Variants in ETF1 observed in about 807,000 individuals in gnomAD.
ETF1 encodes the protein eukaryotic peptide chain release factor subunit 1.
A neutral mutation model predicts 55.1 loss-of-function variants in ETF1; 4 were observed. The observed-to-expected ratio is 0.07, with a 90% CI of 0.04 to 0.17. The LOEUF (loss-of-function observed/expected upper bound fraction) is 0.17. Ranked by LOEUF, ETF1 falls within the 10% of genes least tolerant of loss-of-function variation. The pLI is 1.00. For missense variants in ETF1, 142 were observed against 523.6 expected, an observed-to-expected ratio of 0.27 and a Z score of 7.11; for synonymous variants, 157 against 182.3, an observed-to-expected ratio of 0.86 and a Z score of 1.12.
At position 138,508,053 on chromosome 5, in the gene ETF1, C is replaced by A. The variant is rs13180122; in HGVS notation, c.*252G>T. 8,905 of 388,146 alleles carry A rather than the reference C, an allele frequency of 0.023. 148 individuals carry two copies. Among genetic ancestry groups the A allele is most frequent in the Non-Finnish European group, 0.031 (6,689 of 219,074 alleles). 24.0% of individuals were successfully genotyped at this position (388,146 alleles called of 1,614,324 possible). A position where few individuals can be genotyped will look rare whatever the true frequency, so the allele number is the denominator to read the frequency against. On this transcript the variant is annotated 3_prime_UTR_variant, in exon 11 of 11. Transcript: ENST00000360541. ...TCCAGTAAAAGTAAAAACTGGGATTCTTTTTTAAATTAGTCCAAAGTGGCG... is the reference window on the plus strand; with the variant it reads ...TCCAGTAAAAGTAAAAACTGGGATTATTTTTTAAATTAGTCCAAAGTGGCG...
chr5:138,520,730 A>G (rs1278216361), intron 2 of ETF1, among the ~76,000 whole-genome samples: 2 of 152,154 alleles, frequency 1.3e-5, no homozygotes, highest in African/African-American at 4.8e-5. Context: ...TGAGGCAGGA[A>G]TATCACTCAA....
At chr5:138,518,959 C>T (rs945546318) in intron 2 of ETF1, 92 bp from the exon 3 acceptor site, 132 of 1,554,512 alleles carry the variant, frequency 8.5e-5, no homozygotes, top group Middle Eastern at 5.1e-4. Flanking sequence ...AGGGAGATGC[C>T]CCAAAGTTAT....
At chr5:138,509,486 G>A (rs1764678570) in intron 9 of ETF1, among the ~76,000 whole-genome samples, 1 of 152,120 alleles carries the variant, frequency 6.6e-6, no homozygotes, top group African/African-American at 2.4e-5. Flanking sequence ...ACCAGGCCAG[G>A]CATGGTGGGT....
intron 2 of ETF1, among the ~76,000 whole-genome samples, chr5:138,523,899 G>T (rs1379169758): frequency 1.3e-5 from 2 of 152,042 alleles, no homozygotes; most frequent in East Asian, 3.9e-4. Context: ...GACCCTGGCT[G>T]GGCATGGTGG....
Position 138,507,159 on chromosome 5 carries a change from A to C in ETF1, c.*1146T>G, listed in dbSNP as rs2127056250. The stretch of plus-strand genomic sequence containing the variant: ...ATGGTCTTAAATCCATGGTGCCAGA[A>C]GCTGTGTCCCATCCCTTCCCACCCG... On this transcript the variant is annotated 3_prime_UTR_variant, in exon 11 of 11. Transcript: ENST00000360541. 6.6e-6 allele frequency: 1 copy of C among 152,392 alleles called. No homozygotes were observed. Among genetic ancestry groups the C allele is most frequent in the African/African-American group, 2.4e-5 (1 of 41,564 alleles). The allele number at this position is 152,392 out of a possible 1,614,324, so 9.4% of individuals were successfully genotyped here.
At chr5:138,530,353 A>C (rs1363989362) in intron 2 of ETF1, among the ~76,000 whole-genome samples, 1 of 151,216 alleles carries the variant, frequency 6.6e-6, no homozygotes, top group Non-Finnish European at 1.5e-5. Flanking sequence ...ATCTCGGCTC[A>C]CTGCAGCTTC....
chr5:138,530,334 A>G (rs1431219256), intron 2 of ETF1, among the ~76,000 whole-genome samples: 1 of 152,048 alleles, frequency 6.6e-6, no homozygotes, highest in African/African-American at 2.4e-5. Context: ...GCTACAGTGC[A>G]GTGGTGTGAT....
At chr5:138,532,215 A>G (rs1298112565) in intron 2 of ETF1, among the ~76,000 whole-genome samples, 10 of 152,138 alleles carry the variant, frequency 6.6e-5, no homozygotes, top group Middle Eastern at 3.4e-3. Context: ...TGTGTTTTCC[A>G]TTTTTCTTCT....
intron 8 of ETF1, chr5:138,510,832 T>A: frequency 1.4e-6 from 1 of 720,110 alleles, no homozygotes; most frequent in South Asian, 6.3e-5. Flanking sequence ...CAAGATATAG[T>A]CCTGGTCCTC....
At position 138,518,683 on chromosome 5, in the gene ETF1, C is replaced by A; in HGVS notation, c.262+9G>T. 6.2e-7 allele frequency: 1 copy of A among 1,608,210 alleles called. No individual in the cohort carries two copies. Among genetic ancestry groups the A allele is most frequent in the Non-Finnish European group, 8.5e-7 (1 of 1,175,488 alleles). ...TGTAGAGAAGGAAAAGGAGCAAACT[C>A]CAGATTACCTTTGTTATAAAGTTTG... is the stretch of plus-strand genomic sequence containing the variant. On this transcript the variant is annotated intron_variant, in intron 3 of 10. Coordinates refer to ENST00000360541, the MANE Select transcript of ETF1 (RefSeq NM_004730.4).
chr5:138,534,697 C>T (rs931164521), intron 2 of ETF1, among the ~76,000 whole-genome samples: 9 of 152,238 alleles, frequency 5.9e-5, no homozygotes, highest in East Asian at 1.9e-4. Flanking sequence ...GAATGGGAGA[C>T]GTCTCTATTC....
intron 2 of ETF1, among the ~76,000 whole-genome samples, chr5:138,538,965 T>C (rs986949624): frequency 1.3e-5 from 2 of 152,238 alleles, no homozygotes; most frequent in African/African-American, 4.8e-5. Flanking sequence ...GAACAACCAA[T>C]TTTATTTCAT....
At chr5:138,533,936 T>C (rs1765809074) in intron 2 of ETF1, among the ~76,000 whole-genome samples, 1 of 152,134 alleles carries the variant, frequency 6.6e-6, no homozygotes, top group Non-Finnish European at 1.5e-5. Flanking sequence ...TGAGGCATGT[T>C]AGGAGGTGGA....
At chr5:138,534,864 T>C (rs765087709) in intron 2 of ETF1, among the ~76,000 whole-genome samples, 36 of 151,980 alleles carry the variant, frequency 2.4e-4, no homozygotes, top group Non-Finnish European at 3.5e-4. Context: ...TTTAATTTCT[T>C]CATCCATGAA....
At chr5:138,512,221 A>ATATATAT (rs1764820087) in intron 6 of ETF1, among the ~76,000 whole-genome samples, 1 of 24,528 alleles carries the variant, frequency 4.1e-5, no homozygotes, top group African/African-American at 1.7e-4. Flanking sequence ...AAAAAAAAAA[A>ATATATAT]AAAAATATAT....
At chr5:138,523,196 G>A (rs1402750092) in intron 2 of ETF1, among the ~76,000 whole-genome samples, 1 of 151,538 alleles carries the variant, frequency 6.6e-6, no homozygotes, top group Admixed American at 6.6e-5. Flanking sequence ...GTGAAACCCC[G>A]TCTCTACTAA....
intron 2 of ETF1, among the ~76,000 whole-genome samples, chr5:138,530,035 T>G (rs1561841864): frequency 6.6e-6 from 1 of 152,196 alleles, no homozygotes; most frequent in Non-Finnish European, 1.5e-5. Context: ...CAAGCGACCG[T>G]GCCCGCCTGA....
At position 138,512,258 on chromosome 5, in the gene ETF1, ATTTT is replaced by A. The variant is rs58936942; in HGVS notation, c.732+502_732+505del. Among the ~76,000 whole-genome samples, 129 of 20,016 alleles carry A rather than the reference ATTTT, an allele frequency of 6.4e-3. 2 individuals are homozygous for A. The highest frequency in any genetic ancestry group is 0.022 in the African/African-American group (119 of 5,290). The allele number at this position is 20,016 out of a possible 152,430, so 13.1% of individuals were successfully genotyped here. On this transcript the variant is annotated intron_variant, in intron 6 of 10. Coordinates refer to ENST00000360541, the MANE Select transcript of ETF1 (RefSeq NM_004730.4). ...TATATATATATATATATATATATAT[ATTTT>A]TTTTTTTTTTTAAAGGCAATTTCTT...
rs1240970244 is a variant in ETF1 at position 138,507,608 on chromosome 5, A to T, written c.*697T>A. The stretch of plus-strand genomic sequence containing the variant: ...CGGGCACAAATGTGTCTGCAAACAG[A>T]TGGAAGTAAACAGTGCACTGGCCCA... On this transcript the variant is annotated 3_prime_UTR_variant, in exon 11 of 11. Coordinates refer to ENST00000360541, the MANE Select transcript of ETF1 (RefSeq NM_004730.4). 6.6e-6 allele frequency: 1 copy of T among 152,670 alleles called. No homozygotes were observed. The highest frequency in any genetic ancestry group is 2.4e-5 in the African/African-American group (1 of 41,448). The allele number at this position is 152,670 out of a possible 1,614,324, so 9.5% of individuals were successfully genotyped here.
Sources: allele counts gnomAD v4.1 joint callset (sites outside exome capture counted in the v4.1 genomes callset), GRCh38; gene constraint gnomAD v4.1.1; transcripts MANE v1.5; gene names NCBI Gene and HGNC (gene_info 2026-07-23, HGNC 2026-07-21).